Variants in SEMA3A observed in about 807,000 individuals in gnomAD.
The protein encoded by SEMA3A is semaphorin-3A.
SEMA3A carries 29 observed loss-of-function variants against 97.9 expected under a neutral mutation model. That is an observed-to-expected ratio of 0.30 (90% CI 0.22 to 0.40). The LOEUF (loss-of-function observed/expected upper bound fraction) is 0.40, where lower values mean the gene tolerates loss of function less well. SEMA3A is among the 10% of genes least tolerant of loss of function. SEMA3A has a pLI of 1.00. For synonymous variants in SEMA3A, 321 were observed against 323.7 expected, an observed-to-expected ratio of 0.99 and a Z score of 0.09; for missense variants, 763 against 951.3, an observed-to-expected ratio of 0.80 and a Z score of 2.60.
intron 4 of SEMA3A, among the ~76,000 whole-genome samples, chr7:84,104,343 G>C (rs1433812802): frequency 6.6e-6 from 1 of 152,000 alleles, no homozygotes; most frequent in African/African-American, 2.4e-5. Flanking sequence ...TATGCTATAT[G>C]TGCTAAAACA....
intron 2 of SEMA3A, among the ~76,000 whole-genome samples, chr7:84,331,625 C>T (rs1170646865): frequency 1.3e-5 from 2 of 151,886 alleles, no homozygotes; most frequent in South Asian, 4.1e-4. Flanking sequence ...TCCACAGGTG[C>T]CTGGAAAGCC....
intron 2 of SEMA3A, among the ~76,000 whole-genome samples, chr7:84,336,536 A>C (rs1802042202): frequency 6.6e-6 from 1 of 152,174 alleles, no homozygotes; most frequent in Non-Finnish European, 1.5e-5. Flanking sequence ...TGTTCAGTCA[A>C]AGCAAGAATG....
chr7:84,357,735 AC>A (rs1341351798), intron 2 of SEMA3A, among the ~76,000 whole-genome samples: 1 of 151,644 alleles, frequency 6.6e-6, no homozygotes, highest in Non-Finnish European at 1.5e-5. Context: ...TGGTTGAACT[AC>A]TTTACAGTCC....
At chr7:84,205,515 A>G (rs1031148664) in intron 3 of SEMA3A, among the ~76,000 whole-genome samples, 2 of 152,210 alleles carry the variant, frequency 1.3e-5, no homozygotes, top group Non-Finnish European at 2.9e-5. Context: ...TTAAATTCAT[A>G]AGATGAATTC....
chr7:84,360,601 T>G (rs1206808561), intron 2 of SEMA3A, among the ~76,000 whole-genome samples: 1 of 152,078 alleles, frequency 6.6e-6, no homozygotes, highest in East Asian at 1.9e-4. Flanking sequence ...GTTTTAAAAC[T>G]ATTAGCACAT....
At chr7:84,232,065 TATA>T (rs1799128061) in intron 3 of SEMA3A, among the ~76,000 whole-genome samples, 1 of 151,392 alleles carries the variant, frequency 6.6e-6, no homozygotes, top group African/African-American at 2.4e-5. Flanking sequence ...CATATATATA[TATA>T]CACACACATA....
chr7:83,988,695 A>T (rs1049735857), intron 12 of SEMA3A, among the ~76,000 whole-genome samples: 1 of 151,892 alleles, frequency 6.6e-6, no homozygotes, highest in South Asian at 2.1e-4. Flanking sequence ...TAAATGAATT[A>T]TATTAGTTAT....
chr7:84,431,577 A>T (rs1278476558), intron 1 of SEMA3A, among the ~76,000 whole-genome samples: 1 of 152,056 alleles, frequency 6.6e-6, no homozygotes, highest in African/African-American at 2.4e-5. Flanking sequence ...TATGAGAAGA[A>T]AATAGAGTAT....
chr7:84,409,458 C>CT (rs1449920708), intron 1 of SEMA3A, among the ~76,000 whole-genome samples: 1 of 151,944 alleles, frequency 6.6e-6, no homozygotes, highest in Non-Finnish European at 1.5e-5. Flanking sequence ...CACATTAGCC[C>CT]TTTTTGTGTT....
intron 3 of SEMA3A, among the ~76,000 whole-genome samples, chr7:84,227,613 T>A (rs1454806244): frequency 6.6e-6 from 1 of 152,120 alleles, no homozygotes; most frequent in Non-Finnish European, 1.5e-5. Flanking sequence ...CCAATAATTA[T>A]GAGTAGGCAT....
chr7:84,208,602 T>G (rs1396157662), intron 3 of SEMA3A, among the ~76,000 whole-genome samples: 1 of 152,218 alleles, frequency 6.6e-6, no homozygotes, highest in African/African-American at 2.4e-5. Flanking sequence ...GGATAAAAGA[T>G]AATTACTGTT....
chr7:83,990,314 T>A (rs1054940294), intron 12 of SEMA3A, among the ~76,000 whole-genome samples: 5 of 152,170 alleles, frequency 3.3e-5, no homozygotes, highest in African/African-American at 1.2e-4. Flanking sequence ...CAGAAGCTCT[T>A]TAGTTTAATT....
At chr7:84,007,243 TC>T in intron 10 of SEMA3A, 109 bp downstream of exon 10, 1 of 831,300 alleles carries the variant, frequency 1.2e-6, no homozygotes, top group Middle Eastern at 3.5e-4. Context: ...AATCTTGAAA[TC>T]TTTTTTCTAC....
chr7:84,393,796 T>C (rs537470880), intron 1 of SEMA3A, among the ~76,000 whole-genome samples: 1 of 152,066 alleles, frequency 6.6e-6, no homozygotes, highest in Non-Finnish European at 1.5e-5. Flanking sequence ...GTATCTTCCA[T>C]GAAAAATGAG....
chr7:84,141,479 G>A (rs1796289209), intron 1 of SEMA3A, among the ~76,000 whole-genome samples: 1 of 152,068 alleles, frequency 6.6e-6, no homozygotes, highest in Non-Finnish European at 1.5e-5. Context: ...TAGTTAATAT[G>A]AATAATTGTT....
chr7:84,020,046 T>TTTC (rs1791267541), intron 6 of SEMA3A, among the ~76,000 whole-genome samples: 1 of 120,390 alleles, frequency 8.3e-6, no homozygotes, highest in Non-Finnish European at 1.7e-5. Flanking sequence ...TTTTTTTTTT[T>TTTC]TTTTTTTTTT....
chr7:84,098,182 T>C (rs1794835152), intron 4 of SEMA3A, among the ~76,000 whole-genome samples: 1 of 152,082 alleles, frequency 6.6e-6, no homozygotes, highest in Non-Finnish European at 1.5e-5. Flanking sequence ...ATTTAAAATA[T>C]TACATGATCA....
intron 3 of SEMA3A, among the ~76,000 whole-genome samples, chr7:84,288,468 C>T (rs1005523876): frequency 8.6e-5 from 13 of 152,010 alleles, no homozygotes; most frequent in African/African-American, 2.4e-4. Flanking sequence ...GGGGCCAAGG[C>T]GGATGGATCA....
chr7:83,968,742 A>G, intron 15 of SEMA3A, among the ~76,000 whole-genome samples: 1 of 151,488 alleles, frequency 6.6e-6, no homozygotes, highest in Admixed American at 6.6e-5. Flanking sequence ...TCATTTAGCA[A>G]ATTTTAGACA....
Sources: gnomAD v4.1 joint callset for allele counts (sites outside exome capture counted in the v4.1 genomes callset) on GRCh38, gnomAD v4.1.1 for gene constraint, MANE v1.5 for transcripts, NCBI Gene and HGNC (gene_info 2026-07-23, HGNC 2026-07-21) for gene names.